Variants in NTNG1 observed in about 807,000 individuals in gnomAD.
NTNG1 encodes netrin G1.
In NTNG1, 16 loss-of-function variants were observed where a neutral mutation model predicts 54.0. That is an observed-to-expected ratio of 0.30 (90% confidence interval 0.20 to 0.45). The LOEUF (loss-of-function observed/expected upper bound fraction) is 0.45. Among genes scored for constraint, NTNG1 ranks in the 20% least tolerant of loss-of-function variants. The probability of loss-of-function intolerance (pLI) is 1.00; values close to 1 mark genes in which losing one functional copy is unlikely to be tolerated. For missense variants in NTNG1, 530 were observed against 678.7 expected (o/e 0.78, Z 2.43); for synonymous variants, 255 against 263.1 (o/e 0.97, Z 0.30).
intron 3 of NTNG1, among the ~76,000 whole-genome samples, chr1:107,361,762 G>A (rs1300878368): frequency 1.4e-4 from 22 of 152,078 alleles, no homozygotes; most frequent in Admixed American, 1.4e-3. Context: ...TTTGACACTC[G>A]GGAAATGACT....
In NTNG1 at chr1:107,351,837, T is replaced by G. The variant is rs189000926; in HGVS notation, c.887+26915T>G. Among the ~76,000 whole-genome samples the G allele has an allele frequency of 1.1e-4, 16 of 152,304 alleles. No homozygotes were observed. The East Asian group carries it at 3.1e-3, about 29-fold the overall frequency. On this transcript the variant is annotated intron_variant, in intron 3 of 7. Transcript: ENST00000370068. ...TCAGTCTGTAAAATCAAAAACAAGT[T>G]AGTTACCTCCAAGGTACAATTAGGA...
intron 2 of NTNG1, among the ~76,000 whole-genome samples, chr1:107,178,116 AG>A (rs1228783649): frequency 5.3e-5 from 8 of 151,948 alleles, no homozygotes; most frequent in African/African-American, 1.7e-4. Flanking sequence ...CTTTATTCTT[AG>A]GTTAACTCTT....
At chr1:107,238,158 G>A (rs752084156) in intron 2 of NTNG1, among the ~76,000 whole-genome samples, 2 of 152,168 alleles carry the variant, frequency 1.3e-5, no homozygotes, top group Admixed American at 6.5e-5. Flanking sequence ...TTTCATCATC[G>A]TGACCTGGAT....
intron 2 of NTNG1, among the ~76,000 whole-genome samples, chr1:107,253,823 G>A (rs533326463): frequency 3.3e-5 from 5 of 152,246 alleles, no homozygotes; most frequent in African/African-American, 9.6e-5. Flanking sequence ...CTTTCCTCTC[G>A]AAATTAGTAT....
intron 7 of NTNG1, among the ~76,000 whole-genome samples, chr1:107,475,551 T>C (rs1296241105): frequency 6.6e-6 from 1 of 152,200 alleles, no homozygotes; most frequent in African/African-American, 2.4e-5. Context: ...AAGAAGATAA[T>C]CCACTCTTAC....
At chr1:107,241,384 T>C (rs1279015071) in intron 2 of NTNG1, among the ~76,000 whole-genome samples, 1 of 152,130 alleles carries the variant, frequency 6.6e-6, no homozygotes, top group Non-Finnish European at 1.5e-5. Flanking sequence ...TGGGTATAAA[T>C]GGAAAGGAGG....
chr1:107,395,100 G>C (rs1191140971), intron 3 of NTNG1, 54 bp from the exon 4 acceptor site: 7 of 1,453,438 alleles, frequency 4.8e-6, no homozygotes, highest in Admixed American at 1.7e-5. Context: ...AAGCCTCAGT[G>C]GTCACCAAGA....
chr1:107,392,424 G>A (rs1672418478), intron 3 of NTNG1, among the ~76,000 whole-genome samples: 1 of 152,040 alleles, frequency 6.6e-6, no homozygotes, highest in Admixed American at 6.6e-5. Flanking sequence ...CAAGGAGAGT[G>A]AGCTGGCTGT....
chr1:107,432,946 T>G (rs887922902), intron 6 of NTNG1, among the ~76,000 whole-genome samples: 1 of 152,164 alleles, frequency 6.6e-6, no homozygotes, highest in Admixed American at 6.5e-5. Context: ...AGAGGTATAG[T>G]TCAGTTGTAA....
At chr1:107,223,762 T>C (rs1660504647) in intron 2 of NTNG1, among the ~76,000 whole-genome samples, 1 of 152,138 alleles carries the variant, frequency 6.6e-6, no homozygotes, top group Non-Finnish European at 1.5e-5. Flanking sequence ...AAAGGCCTTT[T>C]CTTTTAAGGT....
At chr1:107,418,058 T>A (rs1266088775) in intron 5 of NTNG1, among the ~76,000 whole-genome samples, 1 of 152,008 alleles carries the variant, frequency 6.6e-6, no homozygotes, top group African/African-American at 2.4e-5. Flanking sequence ...TTTCCCTCTT[T>A]CCTTTTCTGA....
chr1:107,232,383 C>T (rs1236524538), intron 2 of NTNG1, among the ~76,000 whole-genome samples: 1 of 152,180 alleles, frequency 6.6e-6, no homozygotes, highest in Non-Finnish European at 1.5e-5. Context: ...CCATGGAAAC[C>T]AGAAACTCTG....
At chr1:107,381,507 T>C (rs1671646172) in intron 3 of NTNG1, among the ~76,000 whole-genome samples, 1 of 152,182 alleles carries the variant, frequency 6.6e-6, no homozygotes, top group South Asian at 2.1e-4. Flanking sequence ...AGCTAAATGC[T>C]AGGTAGAAAA....
chr1:107,199,723 C>G (rs1055132353), intron 2 of NTNG1, among the ~76,000 whole-genome samples: 3 of 151,906 alleles, frequency 2.0e-5, no homozygotes, highest in Non-Finnish European at 4.4e-5. Flanking sequence ...CAGTCCTCCT[C>G]TCGCGTAGAT....
chr1:107,319,885 A>ATATATATATATATATATATATATAT (rs1557896129), intron 2 of NTNG1, among the ~76,000 whole-genome samples: 1 of 150,942 alleles, frequency 6.6e-6, no homozygotes, highest in African/African-American at 2.4e-5. Flanking sequence ...ATATATATAT[A>ATATATATATATATATATATATATAT]AAACTCTGAA....
chr1:107,463,091 G>A (rs1005481040), intron 7 of NTNG1, among the ~76,000 whole-genome samples: 1 of 152,156 alleles, frequency 6.6e-6, no homozygotes, highest in East Asian at 1.9e-4. Context: ...CTTTCCTCAT[G>A]TCAGCTGAGA....
intron 4 of NTNG1, among the ~76,000 whole-genome samples, chr1:107,407,088 G>A (rs920392047): frequency 6.6e-6 from 1 of 152,062 alleles, no homozygotes; most frequent in African/African-American, 2.4e-5. Flanking sequence ...ATGTATTCTT[G>A]AATTATTCTG....
intron 2 of NTNG1, among the ~76,000 whole-genome samples, chr1:107,286,328 C>T (rs7533102): frequency 0.36 from 54,396 of 151,970 alleles, 10,435 homozygotes; most frequent in East Asian, 0.49. Flanking sequence ...CAACTCTATG[C>T]TTTGTAGCAT....
rs373654791 is a variant in NTNG1, at chr1:107,483,675, T to C, written c.*2835T>C. Among the ~76,000 whole-genome samples, 5 of 144,498 alleles carry C rather than the reference T, an allele frequency of 3.5e-5. 1 individual carries two copies. The highest frequency in any genetic ancestry group is 1.2e-4 in the African/African-American group (5 of 40,304). 94.8% of individuals were successfully genotyped at this position (144,498 alleles called of 152,430 possible). A position where few individuals can be genotyped will look rare whatever the true frequency, so the allele number is the denominator to read the frequency against. On this transcript the variant is annotated 3_prime_UTR_variant, in exon 8 of 8. Coordinates refer to ENST00000370068, the MANE Select transcript of NTNG1 (RefSeq NM_001113226.3). The stretch of plus-strand genomic sequence containing the variant: ...GTTGTTCATATATTTGAGGTCCTAA[T>C]TCTTGGTATTTTTTCCCTTTGATAA...
Sources: gnomAD v4.1 joint callset for allele counts (sites outside exome capture counted in the v4.1 genomes callset) on GRCh38, gnomAD v4.1.1 for gene constraint, MANE v1.5 for transcripts, NCBI Gene and HGNC (gene_info 2026-07-23, HGNC 2026-07-21) for gene names.